The following EEIG2 variants were observed in gnomAD, a reference collection of about 807,000 sequenced individuals.
The protein encoded by EEIG2 is family with sequence similarity 102 member B.
At chr1:108,634,784 A>G in the EEIG2 span, among the ~76,000 whole-genome samples, 2 of 152,312 alleles carry the variant, frequency 1.3e-5, no homozygotes, top group Middle Eastern at 3.4e-3. Context: ...ATGCTCTTGG[A>G]TGAGACCTAT....
chr1:108,562,435 C>T, the EEIG2 span, among the ~76,000 whole-genome samples: 1 of 152,126 alleles, frequency 6.6e-6, no homozygotes, highest in Admixed American at 6.5e-5. Flanking sequence ...AGGAATAGTG[C>T]TCTGTGTAGC....
the EEIG2 span, chr1:108,560,633 C>A: frequency 1.3e-6 from 2 of 1,540,048 alleles, no homozygotes; most frequent in East Asian, 2.4e-5. Flanking sequence ...GGCAGCATCT[C>A]TCCTTGGCCC....
the EEIG2 span, among the ~76,000 whole-genome samples, chr1:108,613,688 AG>A: frequency 6.6e-6 from 1 of 152,092 alleles, no homozygotes; most frequent in Non-Finnish European, 1.5e-5. Context: ...CTGACCCCTT[AG>A]GTACCGTCTC....
chr1:108,567,176 TA>T, the EEIG2 span, among the ~76,000 whole-genome samples: 1 of 152,118 alleles, frequency 6.6e-6, no homozygotes, highest in Non-Finnish European at 1.5e-5. Context: ...ATTTTTTAAT[TA>T]AAAAATTCCT....
the EEIG2 span, among the ~76,000 whole-genome samples, chr1:108,590,972 C>T: frequency 3.9e-5 from 6 of 152,268 alleles, no homozygotes; most frequent in South Asian, 6.2e-4. Context: ...AAGGCCATAG[C>T]AACATTTCTT....
chr1:108,583,457 T>C, the EEIG2 span, among the ~76,000 whole-genome samples: 1 of 152,016 alleles, frequency 6.6e-6, no homozygotes, highest in African/African-American at 2.4e-5. Flanking sequence ...GCTTTTTTTT[T>C]TTTTAACTGA....
At chr1:108,563,638 T>C in the EEIG2 span, among the ~76,000 whole-genome samples, 31 of 152,314 alleles carry the variant, frequency 2.0e-4, no homozygotes, top group Non-Finnish European at 4.4e-4. Flanking sequence ...ATATTTGGCT[T>C]TGTACAACAA....
the EEIG2 span, among the ~76,000 whole-genome samples, chr1:108,572,215 ATC>A: frequency 6.6e-6 from 1 of 152,096 alleles, no homozygotes; most frequent in Non-Finnish European, 1.5e-5. Flanking sequence ...TATTCTTCAC[ATC>A]TCTAATTCCT....
the EEIG2 span, among the ~76,000 whole-genome samples, chr1:108,634,037 A>C: frequency 6.6e-6 from 1 of 152,098 alleles, no homozygotes; most frequent in Non-Finnish European, 1.5e-5. Context: ...ACAGTCCTGC[A>C]CTGCCTGTTG....
At chr1:108,612,393 A>G in the EEIG2 span, 2 of 778,908 alleles carry the variant, frequency 2.6e-6, no homozygotes, top group Admixed American at 2.7e-5. Context: ...ATCAGTGCTG[A>G]TATGATAAAC....
chr1:108,572,616 T>G, the EEIG2 span, among the ~76,000 whole-genome samples: 7 of 151,990 alleles, frequency 4.6e-5, no homozygotes, highest in South Asian at 2.1e-4. Flanking sequence ...TGATTTATTT[T>G]ATTTTATTTT....
chr1:108,572,607 G>T, the EEIG2 span, among the ~76,000 whole-genome samples: 44 of 151,820 alleles, frequency 2.9e-4, no homozygotes, highest in Admixed American at 8.5e-4. Context: ...TGATTTATTT[G>T]ATTTATTTTA....
chr1:108,626,513 C>T, the EEIG2 span: 1 of 152,230 alleles, frequency 6.6e-6, no homozygotes, highest in Admixed American at 6.5e-5. Context: ...ACAAACTTCT[C>T]CTTTCTTATT....
chr1:108,598,152 T>C, the EEIG2 span, among the ~76,000 whole-genome samples: 1 of 151,838 alleles, frequency 6.6e-6, no homozygotes. Context: ...GCCAACATGG[T>C]GAAACCCCGT....
the EEIG2 span, among the ~76,000 whole-genome samples, chr1:108,579,713 C>G: frequency 1.3e-5 from 2 of 148,518 alleles, no homozygotes; most frequent in Non-Finnish European, 3.0e-5. Flanking sequence ...GCAAGTCTGT[C>G]AGTGCTGTTT....
chr1:108,605,902 A>G, the EEIG2 span, among the ~76,000 whole-genome samples: 1 of 152,186 alleles, frequency 6.6e-6, no homozygotes, highest in Non-Finnish European at 1.5e-5. Context: ...CTGAGTAAAT[A>G]ATTTAACCTT....
chr1:108,597,346 C>T, the EEIG2 span, among the ~76,000 whole-genome samples: 1 of 152,158 alleles, frequency 6.6e-6, no homozygotes, highest in Non-Finnish European at 1.5e-5. Context: ...GAAGTCTCAG[C>T]ATTAAGTCAT....
chr1:108,628,694 A>G, the EEIG2 span: 1 of 1,611,972 alleles, frequency 6.2e-7, no homozygotes, highest in Non-Finnish European at 8.5e-7. Flanking sequence ...GTGAAACAAG[A>G]TTCTGTAGAA....
chr1:108,573,716 G>A, the EEIG2 span, among the ~76,000 whole-genome samples: 1 of 152,134 alleles, frequency 6.6e-6, no homozygotes, highest in Non-Finnish European at 1.5e-5. Context: ...ACTGGACAAA[G>A]GACTTGAATA....
Sources: gnomAD v4.1 joint callset for allele counts (sites outside exome capture counted in the v4.1 genomes callset) on GRCh38, gnomAD v4.1.1 for gene constraint, MANE v1.5 for transcripts, NCBI Gene and HGNC (gene_info 2026-07-23, HGNC 2026-07-21) for gene names.